Variants in CSMD1 observed in about 807,000 individuals in gnomAD.
CSMD1 encodes CUB and sushi domain-containing protein 1.
A neutral mutation model predicts 417.5 loss-of-function variants in CSMD1; 213 were observed. The observed-to-expected ratio is 0.51, with a 90% CI of 0.46 to 0.57. The LOEUF (loss-of-function observed/expected upper bound fraction) is 0.57. CSMD1 is among the 20% of genes least tolerant of loss of function. The pLI is 0.00. For missense variants in CSMD1, 6,923 were observed against 4,529.7 expected, an observed-to-expected ratio of 1.53 and a Z score of -15.17; for synonymous variants, 2,862 against 1,736.8, an observed-to-expected ratio of 1.65 and a Z score of -16.11.
intron 25 of CSMD1, among the ~76,000 whole-genome samples, chr8:3,300,580 A>C (rs931916876): frequency 6.6e-6 from 1 of 152,162 alleles, no homozygotes; most frequent in Non-Finnish European, 1.5e-5. Context: ...CAAATTTCCT[A>C]GGCATTTATT....
intron 17 of CSMD1, among the ~76,000 whole-genome samples, chr8:3,389,246 T>G (rs1465125323): frequency 3.3e-5 from 5 of 152,152 alleles, no homozygotes; most frequent in Non-Finnish European, 5.9e-5. Flanking sequence ...TTAGTTGTTT[T>G]TCCCGATCCT....
Position 3,915,783 on chromosome 8 carries a change from T to G in CSMD1, c.818+82120A>C, listed in dbSNP as rs536628378. On this transcript the variant is annotated intron_variant, in intron 5 of 69. Transcript: ENST00000635120. ...TTCCATTGCATCTGTTCCTAAAATT[T>G]TCGTATCAATTTTATTACCTTTATC... Among the ~76,000 whole-genome samples the G allele has an allele frequency of 2.2e-4, 32 of 148,792 alleles. No homozygotes were observed. The South Asian group carries it at 7.1e-3, about 33-fold the overall frequency.
intron 5 of CSMD1, among the ~76,000 whole-genome samples, chr8:3,983,268 C>T (rs529142566): frequency 1.6e-3 from 240 of 151,904 alleles, no homozygotes; most frequent in African/African-American, 5.3e-3. Context: ...GTAGCTGGGA[C>T]TACAGGCGCC....
At chr8:3,924,835 T>G (rs1563216734) in intron 5 of CSMD1, among the ~76,000 whole-genome samples, 1 of 152,220 alleles carries the variant, frequency 6.6e-6, no homozygotes, top group South Asian at 2.1e-4. Flanking sequence ...TAATTTTAAT[T>G]TTTTTGTCAG....
intron 1 of CSMD1, among the ~76,000 whole-genome samples, chr8:4,650,261 C>G (rs1478220062): frequency 7.1e-6 from 1 of 140,312 alleles, no homozygotes; most frequent in Non-Finnish European, 1.5e-5. Flanking sequence ...AGGAGAATGG[C>G]GTGAACCCGG....
intron 10 of CSMD1, among the ~76,000 whole-genome samples, chr8:3,501,410 A>C (rs1272748148): frequency 6.6e-6 from 1 of 152,232 alleles, no homozygotes; most frequent in Non-Finnish European, 1.5e-5. Flanking sequence ...TGTTTGTGTC[A>C]GAAACTGTGA....
chr8:3,114,070 CA>C (rs986826819), intron 42 of CSMD1, among the ~76,000 whole-genome samples: 1 of 151,782 alleles, frequency 6.6e-6, no homozygotes, highest in Non-Finnish European at 1.5e-5. Flanking sequence ...AACAAACAAA[CA>C]AACAAACAAA....
At position 3,216,783 on chromosome 8, in the gene CSMD1, G is replaced by A. The variant is rs190042401; in HGVS notation, c.4673-2092C>T. Among the ~76,000 whole-genome samples, 298 of 152,362 alleles carry A rather than the reference G, an allele frequency of 2.0e-3. 2 individuals are homozygous for A. The Middle Eastern group carries it at 0.027, about 14-fold the overall frequency. ...AGCTTTCCTGCATCAGAGGCCAGGT[G>A]GATTGCCTCAGCCAGGATTTGTGAA... On this transcript the variant is annotated intron_variant, in intron 29 of 69. Coordinates refer to ENST00000635120, the MANE Select transcript of CSMD1 (RefSeq NM_033225.6).
chr8:3,117,836 T>C (rs1816960832), intron 42 of CSMD1, among the ~76,000 whole-genome samples: 1 of 152,200 alleles, frequency 6.6e-6, no homozygotes, highest in African/African-American at 2.4e-5. Flanking sequence ...CTCCTATGGC[T>C]ACCTGTACAC....
chr8:3,763,772 T>C (rs745732513), intron 5 of CSMD1, among the ~76,000 whole-genome samples: 2 of 152,254 alleles, frequency 1.3e-5, no homozygotes, highest in Middle Eastern at 3.4e-3. Context: ...GGTAGGACAA[T>C]GACCAGGGCT....
chr8:4,480,124 T>C (rs535058671), intron 2 of CSMD1, among the ~76,000 whole-genome samples: 1 of 151,652 alleles, frequency 6.6e-6, no homozygotes, highest in Non-Finnish European at 1.5e-5. Context: ...TGTTCTGTGC[T>C]GTTTCATTGA....
intron 5 of CSMD1, among the ~76,000 whole-genome samples, chr8:3,927,628 G>C (rs1012747277): frequency 6.6e-6 from 1 of 152,052 alleles, no homozygotes; most frequent in Non-Finnish European, 1.5e-5. Context: ...TCACGCCACT[G>C]AACTCCACAC....
chr8:4,979,951 T>C (rs1372254844), intron 1 of CSMD1, among the ~76,000 whole-genome samples: 2 of 152,096 alleles, frequency 1.3e-5, no homozygotes, highest in Non-Finnish European at 2.9e-5. Context: ...GGCAGGAGAA[T>C]GGTGTGAACC....
intron 3 of CSMD1, among the ~76,000 whole-genome samples, chr8:4,375,471 C>T (rs928546911): frequency 6.6e-6 from 1 of 152,274 alleles, no homozygotes. Flanking sequence ...TGTAGTTTTA[C>T]AGTCCATCTT....
intron 1 of CSMD1, among the ~76,000 whole-genome samples, chr8:4,742,051 G>A (rs1434082842): frequency 2.9e-5 from 2 of 69,962 alleles, no homozygotes; most frequent in Admixed American, 2.2e-4. Flanking sequence ...TTTTTTTTGA[G>A]ACGGAGTCTC....
chr8:3,665,232 A>T (rs1032464349), intron 7 of CSMD1, among the ~76,000 whole-genome samples: 11 of 152,300 alleles, frequency 7.2e-5, no homozygotes, highest in Admixed American at 1.3e-4. Flanking sequence ...ATAAAATATA[A>T]TTTGTCAGCC....
At chr8:4,191,252 A>C (rs13276681) in intron 3 of CSMD1, among the ~76,000 whole-genome samples, 103,920 of 151,754 alleles carry the variant, frequency 0.68, 36,108 homozygotes, top group Non-Finnish European at 0.75. Flanking sequence ...AAAAATTAGC[A>C]GGGCATGGTG....
At chr8:3,742,721 A>C (rs1336591163) in intron 6 of CSMD1, among the ~76,000 whole-genome samples, 2 of 148,224 alleles carry the variant, frequency 1.3e-5, no homozygotes, top group Non-Finnish European at 3.0e-5. Context: ...ATAGGATCAG[A>C]GAGAGAGAGA....
At chr8:4,198,520 G>T (rs1398263356) in intron 3 of CSMD1, among the ~76,000 whole-genome samples, 1 of 152,116 alleles carries the variant, frequency 6.6e-6, no homozygotes, top group Non-Finnish European at 1.5e-5. Flanking sequence ...ATGGATTTGG[G>T]GGATGAGAAA....
Sources: allele counts gnomAD v4.1 joint callset (sites outside exome capture counted in the v4.1 genomes callset), GRCh38; gene constraint gnomAD v4.1.1; transcripts MANE v1.5; gene names NCBI Gene and HGNC (gene_info 2026-07-23, HGNC 2026-07-21).